KHDRBS2: variants seen among roughly 807,000 people sequenced by gnomAD.
The protein encoded by KHDRBS2 is KH domain-containing, RNA-binding, signal transduction-associated protein 2.
In KHDRBS2, 26 loss-of-function variants were observed where a neutral mutation model predicts 44.3. That is an observed-to-expected ratio of 0.59 (90% CI 0.43 to 0.81). The LOEUF is 0.81. KHDRBS2 is among the 40% of genes least tolerant of loss of function. The probability of loss-of-function intolerance (pLI) is 0.00; values close to 1 mark genes in which losing one functional copy is unlikely to be tolerated. For synonymous variants in KHDRBS2, 194 were observed against 151.1 expected (o/e 1.28, Z -2.08); for missense variants, 476 against 433.1 (o/e 1.10, Z -0.88).
At chr6:61,831,229 G>A (rs959710293) in intron 6 of KHDRBS2, among the ~76,000 whole-genome samples, 10 of 152,048 alleles carry the variant, frequency 6.6e-5, no homozygotes, top group Admixed American at 3.9e-4. Context: ...CATTTCAAAT[G>A]ACTGGCTTAT....
chr6:62,014,142 A>G (rs1780785328), intron 3 of KHDRBS2, among the ~76,000 whole-genome samples: 1 of 152,176 alleles, frequency 6.6e-6, no homozygotes, highest in South Asian at 2.1e-4. Context: ...TTGCAAACAT[A>G]TTTTAATAAA....
intron 4 of KHDRBS2, among the ~76,000 whole-genome samples, chr6:61,908,459 G>A (rs59498632): frequency 0.01 from 1,518 of 151,444 alleles, 24 homozygotes; most frequent in African/African-American, 0.035. Context: ...ACGGTGAAAC[G>A]CAGTCTCTAC....
intron 2 of KHDRBS2, among the ~76,000 whole-genome samples, chr6:62,093,615 T>A (rs1799910727): frequency 6.6e-6 from 1 of 152,036 alleles, no homozygotes; most frequent in Admixed American, 6.6e-5. Flanking sequence ...TAAATATAGC[T>A]TGGGGCTTGT....
chr6:61,974,092 T>C (rs2127400615), intron 4 of KHDRBS2, among the ~76,000 whole-genome samples: 1 of 152,360 alleles, frequency 6.6e-6, no homozygotes. Flanking sequence ...GTTTCAGTCA[T>C]GAGTTAATAA....
chr6:61,612,883 T>C, the KHDRBS2 span, among the ~76,000 whole-genome samples: 37 of 123,822 alleles, frequency 3.0e-4, no homozygotes, highest in Middle Eastern at 5.3e-3. Flanking sequence ...GACGGAGTCT[T>C]GCTCTGTCGC....
chr6:61,661,796 C>T, the KHDRBS2 span, among the ~76,000 whole-genome samples: 2 of 151,908 alleles, frequency 1.3e-5, no homozygotes, highest in Non-Finnish European at 2.9e-5. Flanking sequence ...TAGGAAGAAT[C>T]AATATCGTGA....
intron 2 of KHDRBS2, among the ~76,000 whole-genome samples, chr6:62,062,174 T>A (rs948200583): frequency 1.1e-4 from 17 of 148,286 alleles, no homozygotes; most frequent in Non-Finnish European, 2.2e-4. Flanking sequence ...CACACATTAA[T>A]AATGGGAGAC....
At chr6:61,597,456 G>A in the KHDRBS2 span, among the ~76,000 whole-genome samples, 2 of 151,888 alleles carry the variant, frequency 1.3e-5, no homozygotes, top group Non-Finnish European at 2.9e-5. Flanking sequence ...CCTTGATTGT[G>A]TTCCTCAAGA....
intron 2 of KHDRBS2, among the ~76,000 whole-genome samples, chr6:62,061,792 C>T (rs911967529): frequency 6.8e-6 from 1 of 147,956 alleles, no homozygotes; most frequent in African/African-American, 2.5e-5. Flanking sequence ...TCCATTCTCC[C>T]CATCACTTTC....
the KHDRBS2 span, among the ~76,000 whole-genome samples, chr6:61,644,042 T>C: frequency 6.6e-6 from 1 of 152,142 alleles, no homozygotes; most frequent in Non-Finnish European, 1.5e-5. Context: ...TCAAGTTACT[T>C]GACTTCAAAC....
intron 6 of KHDRBS2, among the ~76,000 whole-genome samples, chr6:61,848,473 A>ATATATATATATATATATG (rs1463113391): frequency 2.0e-5 from 1 of 50,042 alleles, no homozygotes; most frequent in Non-Finnish European, 3.5e-5. Context: ...GAGGTTTTAT[A>ATATATATATATATATATG]TATATATATA....
At chr6:61,554,873 G>A in the KHDRBS2 span, among the ~76,000 whole-genome samples, 2 of 152,100 alleles carry the variant, frequency 1.3e-5, no homozygotes, top group South Asian at 2.1e-4. Context: ...CTGCTGTAAG[G>A]CCCACTGTTA....
At chr6:61,627,916 T>G in the KHDRBS2 span, among the ~76,000 whole-genome samples, 1 of 152,158 alleles carries the variant, frequency 6.6e-6, no homozygotes, top group African/African-American at 2.4e-5. Context: ...AGCCGGTTGG[T>G]CCCAAGTATG....
At chr6:62,109,095 A>C (rs1396974204) in intron 2 of KHDRBS2, among the ~76,000 whole-genome samples, 2 of 114,350 alleles carry the variant, frequency 1.7e-5, no homozygotes, top group African/African-American at 5.2e-5. Flanking sequence ...CTTAAAGTAT[A>C]ATAATAAAAA....
chr6:62,150,097 A>T (rs1814804201), intron 2 of KHDRBS2, among the ~76,000 whole-genome samples: 1 of 152,208 alleles, frequency 6.6e-6, no homozygotes, highest in Non-Finnish European at 1.5e-5. Flanking sequence ...AAAGCCAATC[A>T]GTATAAGGGA....
chr6:62,098,324 A>T (rs144918553), intron 2 of KHDRBS2, among the ~76,000 whole-genome samples: 2 of 151,354 alleles, frequency 1.3e-5, no homozygotes, highest in African/African-American at 4.8e-5. Context: ...CTTATAAGAC[A>T]GATCTGGTGG....
chr6:62,145,183 C>A (rs972341356), intron 2 of KHDRBS2, among the ~76,000 whole-genome samples: 2 of 151,602 alleles, frequency 1.3e-5, no homozygotes, highest in African/African-American at 4.8e-5. Context: ...GTATATATTT[C>A]TTTATAATTT....
At chr6:62,076,412 T>C (rs1796345758) in intron 2 of KHDRBS2, among the ~76,000 whole-genome samples, 1 of 151,972 alleles carries the variant, frequency 6.6e-6, no homozygotes, top group Non-Finnish European at 1.5e-5. Context: ...GATTGTGATG[T>C]TGGGAATTAG....
At chr6:61,804,260 T>C (rs561680860) in intron 6 of KHDRBS2, among the ~76,000 whole-genome samples, 1 of 152,154 alleles carries the variant, frequency 6.6e-6, no homozygotes, top group Admixed American at 6.5e-5. Context: ...AGCTCCAAAA[T>C]AATCTCTTTT....
Sources: gnomAD v4.1 joint callset for allele counts (sites outside exome capture counted in the v4.1 genomes callset) on GRCh38, gnomAD v4.1.1 for gene constraint, MANE v1.5 for transcripts, NCBI Gene and HGNC (gene_info 2026-07-23, HGNC 2026-07-21) for gene names.